Variants in MCU observed in about 807,000 individuals in gnomAD.
MCU encodes the protein calcium uniporter protein, mitochondrial.
MCU carries 12 observed loss-of-function variants against 45.2 expected under a neutral mutation model. That is an observed-to-expected ratio of 0.27 (90% confidence interval 0.17 to 0.43). The LOEUF (loss-of-function observed/expected upper bound fraction) is 0.43. Among genes scored for constraint, MCU ranks in the 20% least tolerant of loss-of-function variants. MCU has a pLI of 1.00. For missense variants in MCU, 324 were observed against 436.7 expected (o/e 0.74, Z 2.30); for synonymous variants, 160 against 165.1 (o/e 0.97, Z 0.24).
At chr10:72,819,534 A>G (rs762223824) in intron 1 of MCU, among the ~76,000 whole-genome samples, 3 of 152,188 alleles carry the variant, frequency 2.0e-5, no homozygotes, top group Non-Finnish European at 4.4e-5. Context: ...GGAGCTTACA[A>G]TATTCTAAGT....
chr10:72,700,316 C>T (rs1842744585), intron 1 of MCU, among the ~76,000 whole-genome samples: 1 of 152,150 alleles, frequency 6.6e-6, no homozygotes, highest in Non-Finnish European at 1.5e-5. Flanking sequence ...CCACTTCAGC[C>T]TTGGAAAGTG....
chr10:72,872,949 G>A (rs1376563885), intron 6 of MCU, among the ~76,000 whole-genome samples: 4 of 148,864 alleles, frequency 2.7e-5, no homozygotes, highest in African/African-American at 9.9e-5. Context: ...CATTTTAACT[G>A]GAATGAGATG....
intron 4 of MCU, among the ~76,000 whole-genome samples, chr10:72,864,700 C>G (rs1240224497): frequency 2.0e-5 from 3 of 152,054 alleles, no homozygotes; most frequent in Non-Finnish European, 4.4e-5. Flanking sequence ...GGTGGTGCCC[C>G]AACACCCCCG....
chr10:72,813,450 CTTTTTTTTTT>C (rs71021537), intron 1 of MCU, among the ~76,000 whole-genome samples: 14 of 76,220 alleles, frequency 1.8e-4, no homozygotes, highest in East Asian at 5.5e-4. Context: ...CCAGCTCTCT[CTTTTTTTTTT>C]TTTTTTTTTT....
chr10:72,737,774 A>C (rs1564542813), intron 1 of MCU, among the ~76,000 whole-genome samples: 1 of 151,352 alleles, frequency 6.6e-6, no homozygotes, highest in Non-Finnish European at 1.5e-5. Flanking sequence ...CACCGCCCCA[A>C]CTCCCAAAGT....
intron 1 of MCU, among the ~76,000 whole-genome samples, chr10:72,695,049 G>GC (rs1443994784): frequency 1.3e-5 from 2 of 152,064 alleles, no homozygotes; most frequent in Non-Finnish European, 2.9e-5. Flanking sequence ...AATGTTTGTT[G>GC]CCTGCTTTTC....
intron 1 of MCU, among the ~76,000 whole-genome samples, chr10:72,809,690 C>A (rs1174853714): frequency 2.0e-5 from 3 of 152,126 alleles, no homozygotes; most frequent in Non-Finnish European, 2.9e-5. Flanking sequence ...GAGATAATAA[C>A]TTGAAGTTCT....
intron 1 of MCU, among the ~76,000 whole-genome samples, chr10:72,726,363 A>G (rs1234577416): frequency 6.6e-6 from 1 of 151,980 alleles, no homozygotes; most frequent in African/African-American, 2.4e-5. Flanking sequence ...TAAATAGTAG[A>G]GCTCCCTCTA....
intron 1 of MCU, chr10:72,715,802 C>G (rs1053136676): frequency 2.2e-6 from 2 of 896,276 alleles, no homozygotes; most frequent in African/African-American, 1.8e-5. Context: ...AACACATCCC[C>G]TGTATGTCAT....
chr10:72,866,511 C>T (rs1031980317), intron 4 of MCU, among the ~76,000 whole-genome samples: 3 of 152,206 alleles, frequency 2.0e-5, no homozygotes, highest in African/African-American at 7.2e-5. Flanking sequence ...AGTCTCCAGC[C>T]TCAGCCTCCC....
At chr10:72,735,705 T>C (rs1210163570) in intron 1 of MCU, among the ~76,000 whole-genome samples, 9 of 152,364 alleles carry the variant, frequency 5.9e-5, no homozygotes, top group Admixed American at 5.9e-4. Flanking sequence ...ATCAGATCTA[T>C]GTCACAAGAT....
chr10:72,849,879 G>A (rs533131771), intron 2 of MCU, among the ~76,000 whole-genome samples: 4 of 151,752 alleles, frequency 2.6e-5, no homozygotes, highest in Admixed American at 2.6e-4. Flanking sequence ...AATTGCATTG[G>A]ATTGAACTCT....
At chr10:72,862,071 T>TC (rs1250390750) in intron 4 of MCU, among the ~76,000 whole-genome samples, 2 of 148,250 alleles carry the variant, frequency 1.3e-5, no homozygotes, top group Admixed American at 6.8e-5. Context: ...AAGTTCCGCC[T>TC]CCCAGGTTCA....
At chr10:72,738,057 T>C (rs1347012130) in intron 1 of MCU, among the ~76,000 whole-genome samples, 1 of 152,198 alleles carries the variant, frequency 6.6e-6, no homozygotes, top group Admixed American at 6.5e-5. Flanking sequence ...TGGATAAATA[T>C]TTTAAACGAA....
rs183339654 is a variant in MCU at position 72,741,737 on chromosome 10, C to T, written c.150+49436C>T. The stretch of plus-strand genomic sequence containing the variant: ...CTGTGTATAGTCATGCACTGCAAAA[C>T]GACATTGGAGACTGGGCCTGGTGGC... On this transcript the variant is annotated intron_variant, in intron 1 of 7. Coordinates refer to ENST00000373053, the MANE Select transcript of MCU (RefSeq NM_138357.3). 1.5e-3 allele frequency among the ~76,000 whole-genome samples: 227 copies of T among 152,170 alleles called. 4 individuals carry two copies. Among genetic ancestry groups the T allele is most frequent in the Admixed American group, 0.012 (187 of 15,290 alleles).
chr10:72,820,330 T>C (rs1253823427), intron 1 of MCU, among the ~76,000 whole-genome samples: 4 of 152,178 alleles, frequency 2.6e-5, no homozygotes. Flanking sequence ...ACTCATGAAC[T>C]TCCCAGCTTA....
chr10:72,738,492 A>G (rs1798359359), intron 1 of MCU, among the ~76,000 whole-genome samples: 1 of 152,236 alleles, frequency 6.6e-6, no homozygotes, highest in South Asian at 2.1e-4. Context: ...AAACAAGGAA[A>G]TGTGGATTTT....
chr10:72,701,223 T>C, intron 1 of MCU, among the ~76,000 whole-genome samples: 1 of 152,336 alleles, frequency 6.6e-6, no homozygotes, highest in East Asian at 1.9e-4. Flanking sequence ...GGAATAGATA[T>C]AGAAGAAACC....
intron 1 of MCU, among the ~76,000 whole-genome samples, chr10:72,831,147 G>A (rs750275901): frequency 1.3e-5 from 2 of 152,112 alleles, no homozygotes; most frequent in Non-Finnish European, 2.9e-5. Flanking sequence ...AATATGAATC[G>A]TTAAAACCTT....
Sources: allele counts gnomAD v4.1 joint callset (sites outside exome capture counted in the v4.1 genomes callset), GRCh38; gene constraint gnomAD v4.1.1; transcripts MANE v1.5; gene names NCBI Gene and HGNC (gene_info 2026-07-23, HGNC 2026-07-21).